ZNF667: variants seen among roughly 807,000 people sequenced by gnomAD.
ZNF667 encodes zinc finger protein 667, also known as myocardial ischemic preconditioning upregulated 1 ortholog.
A neutral mutation model predicts 31.8 loss-of-function variants in ZNF667; 13 were observed. That is an observed-to-expected ratio of 0.41 (90% CI 0.27 to 0.65). The LOEUF (loss-of-function observed/expected upper bound fraction) is 0.65. Ranked by LOEUF, ZNF667 falls within the 30% of genes least tolerant of loss-of-function variation. ZNF667 has a pLI of 0.32. For synonymous variants in ZNF667, 228 were observed against 247.1 expected (o/e 0.92, Z 0.73); for missense variants, 642 against 725.6 (o/e 0.88, Z 1.32).
intron 3 of ZNF667, chr19:56,468,184 CCT>C (rs549593084): frequency 2.6e-5 from 4 of 152,222 alleles, no homozygotes; most frequent in Non-Finnish European, 4.4e-5. Context: ...TTCAGGCAAA[CCT>C]GTTTCCCATT....
intron 3 of ZNF667, among the ~76,000 whole-genome samples, chr19:56,463,604 T>C (rs1005712791): frequency 6.6e-6 from 1 of 152,082 alleles, no homozygotes; most frequent in Admixed American, 6.6e-5. Context: ...CTTGGCTCAC[T>C]GCAACCTCAA....
At position 56,441,382 on chromosome 19, in the gene ZNF667, T is replaced by C. The variant is rs966491584; in HGVS notation, c.1613A>G (p.Gln538Arg). ...TTCATGTAGAATAAGAGATGTGCGCTGACTAAAGGCCTTACCACATGTTTT... is the reference window on the plus strand; with the variant it reads ...TTCATGTAGAATAAGAGATGTGCGCCGACTAAAGGCCTTACCACATGTTTT... The part of the protein sequence containing the change: ...TCKTCGKAFS[Q>R]RTSLILHERS... The change falls in exon 7 of 7, where the codon CAG becomes CGG. Residue 538 changes from glutamine (Q) to arginine (R), a missense_variant. Gln to Arg is a conservative substitution (Grantham distance 43). Transcript: ENST00000504904. The surrounding 1 kb of genome is among the most constrained non-coding windows in gnomAD (Gnocchi z 4.2). The C allele has an allele frequency of 6.2e-7, 1 of 1,614,072 alleles. No homozygotes were observed.
At chr19:56,458,817 T>G (rs1378171073) in intron 5 of ZNF667, among the ~76,000 whole-genome samples, 4 of 152,206 alleles carry the variant, frequency 2.6e-5, no homozygotes, top group African/African-American at 9.7e-5. Context: ...GCTGTTCAAC[T>G]GCATCCTCTG....
At chr19:56,456,258 A>T (rs565069270) in intron 6 of ZNF667, among the ~76,000 whole-genome samples, 1 of 152,228 alleles carries the variant, frequency 6.6e-6, no homozygotes. Context: ...TGATTTGATA[A>T]TTCTCCTTTT....
intron 6 of ZNF667, among the ~76,000 whole-genome samples, chr19:56,446,231 T>C (rs943185851): frequency 4.6e-5 from 7 of 152,222 alleles, no homozygotes; most frequent in African/African-American, 1.7e-4. Context: ...CATAAGCATA[T>C]TATCTTGAAA....
intron 3 of ZNF667, 90 bp from the exon 4 acceptor site, chr19:56,462,519 A>T (rs1016718278): frequency 5.0e-6 from 4 of 800,710 alleles, no homozygotes; most frequent in Non-Finnish European, 2.2e-6. Context: ...ACACACATGC[A>T]CACATATGCA....
chr19:56,465,966 A>G (rs2043150670), intron 3 of ZNF667, among the ~76,000 whole-genome samples: 1 of 152,350 alleles, frequency 6.6e-6, no homozygotes, highest in East Asian at 1.9e-4. Flanking sequence ...TCCTCCTGGG[A>G]GTCTGCAATT....
In ZNF667 at chr19:56,472,096, G is replaced by C. The variant is rs1366968797; in HGVS notation, c.-457C>G. 1.3e-5 allele frequency: 2 copies of C among 152,332 alleles called. No homozygotes were observed. Among genetic ancestry groups the C allele is most frequent in the African/African-American group, 4.8e-5 (2 of 41,460 alleles). The allele number at this position is 152,332 out of a possible 1,614,324, so 9.4% of individuals were successfully genotyped here. A position where few individuals can be genotyped will look rare whatever the true frequency, so the allele number is the denominator to read the frequency against. ...ATTGTGAGGCCTCCCCAGCCACGTA[G>C]AACTGTGAGTCTGGGTATGTCTTTA... On this transcript the variant is annotated 5_prime_UTR_variant, in exon 3 of 7. Coordinates refer to ENST00000504904, the MANE Select transcript of ZNF667 (RefSeq NM_001321356.2).
rs1415116341 is a variant in ZNF667 at position 56,467,051 on chromosome 19, T to C, written c.-59-4622A>G. The C allele has an allele frequency of 3.3e-5, 15 of 456,514 alleles. No individual in the cohort carries two copies. In the East Asian group the frequency reaches 1.0e-3, roughly 32 times the overall value. The allele number at this position is 456,514 out of a possible 1,614,324, so 28.3% of individuals were successfully genotyped here. On this transcript the variant is annotated intron_variant, in intron 3 of 6. Coordinates refer to ENST00000504904, the MANE Select transcript of ZNF667 (RefSeq NM_001321356.2). ...CTTATGGTCTGGATTGGGACCCTCT[T>C]TTCCAGCAACACTCACTGGGCAAGA... is the stretch of plus-strand genomic sequence containing the variant.
At chr19:56,456,139 A>C (rs1029933791) in intron 6 of ZNF667, among the ~76,000 whole-genome samples, 1 of 152,222 alleles carries the variant, frequency 6.6e-6, no homozygotes, top group Admixed American at 6.5e-5. Flanking sequence ...AGTTCTCAAT[A>C]AATGCTGACT....
At chr19:56,442,772 C>A in intron 6 of ZNF667, 31 bp from the exon 7 acceptor site, 1 of 1,491,658 alleles carries the variant, frequency 6.7e-7, no homozygotes, top group South Asian at 1.4e-5. Flanking sequence ...AAATGTTTCT[C>A]CTTTTCCATG....
Position 56,442,719 on chromosome 19 carries a change from G to A in ZNF667, c.276C>T (p.Thr92=). 2 of 1,589,658 alleles carry A rather than the reference G, an allele frequency of 1.3e-6. No homozygotes were observed. The highest frequency in any genetic ancestry group is 1.1e-5 in the South Asian group (1 of 87,488). ...TGCATTGATTTGGAGGTAACTTCTT[G>A]GTCTCACATTTAGACCCCGAGTCTG... ...RAPDSGSKCE[T]KKLPPNQCNK... Residue 92 remains threonine (T), a synonymous_variant, in exon 7 of 7, where the codon ACC becomes ACT. Transcript: ENST00000504904.
At chr19:56,474,746 TAATA>T (rs924162875) in intron 1 of ZNF667, 1 of 152,242 alleles carries the variant, frequency 6.6e-6, no homozygotes, top group African/African-American at 2.4e-5. Flanking sequence ...GGGAGCTTTC[TAATA>T]AATAGTCACA....
chr19:56,452,026 C>T (rs2042839836), intron 6 of ZNF667, among the ~76,000 whole-genome samples: 1 of 151,356 alleles, frequency 6.6e-6, no homozygotes, highest in African/African-American at 2.4e-5. Context: ...TACTGAATGA[C>T]CAGTGGGTCA....
chr19:56,465,135 T>C (rs1003410338), intron 3 of ZNF667, among the ~76,000 whole-genome samples: 1 of 152,212 alleles, frequency 6.6e-6, no homozygotes, highest in African/African-American at 2.4e-5. Flanking sequence ...CTCCAAAGAA[T>C]GCCATCGTCA....
rs1411022780 is a variant in ZNF667, at chr19:56,441,525, C to G, written c.1470G>C (p.Lys490Asn). The change falls in exon 7 of 7, where the codon AAG (lysine) becomes AAC (asparagine). Residue 490 changes from lysine (K) to asparagine (N), a missense_variant. Lys to Asn is a moderately conservative substitution (Grantham distance 94). Coordinates refer to ENST00000504904, the MANE Select transcript of ZNF667 (RefSeq NM_001321356.2). This position sits in a 1 kb window ranked among gnomAD's most constrained non-coding sequence, Gnocchi z 4.2. The stretch of plus-strand genomic sequence containing the variant: ...AGGGTCTATCTTCAGTATGAATTCT[C>G]TTATGTCGTGTGAGAGATATTCGGT... ...FSHRISLTRH[K>N]RIHTEDRPYE... is the part of the protein sequence containing the mutation. 6.2e-7 allele frequency: 1 copy of G among 1,614,142 alleles called. No homozygotes were observed. Among genetic ancestry groups the G allele is most frequent in the Admixed American group, 1.7e-5 (1 of 60,008 alleles).
chr19:56,460,497 T>G (rs1387869091), intron 5 of ZNF667, among the ~76,000 whole-genome samples, 192 bp downstream of exon 5: 1 of 152,202 alleles, frequency 6.6e-6, no homozygotes, highest in Non-Finnish European at 1.5e-5. Flanking sequence ...GATGCATAAC[T>G]CTGAATACAC....
chr19:56,462,005 T>A (rs933735482), intron 4 of ZNF667, among the ~76,000 whole-genome samples: 9 of 152,200 alleles, frequency 5.9e-5, no homozygotes, highest in Non-Finnish European at 1.0e-4. Context: ...TTCATCTCCA[T>A]GCTGAGAAAT....
chr19:56,453,651 C>T (rs1425901985), intron 6 of ZNF667, among the ~76,000 whole-genome samples: 1 of 151,954 alleles, frequency 6.6e-6, no homozygotes, highest in Non-Finnish European at 1.5e-5. Context: ...TGATGCGATC[C>T]CTCAAAAAAC....
Sources: gnomAD v4.1 joint callset for allele counts (sites outside exome capture counted in the v4.1 genomes callset) on GRCh38, gnomAD v4.1.1 for gene constraint, Gnocchi (gnomAD v3.1) non-coding constraint, MANE v1.5 for transcripts, NCBI Gene and HGNC (gene_info 2026-07-23, HGNC 2026-07-21) for gene names.